NWD2: variants seen among roughly 807,000 people sequenced by gnomAD.
The protein encoded by NWD2 is NACHT and WD repeat domain-containing protein 2.
A neutral mutation model predicts 132.7 loss-of-function variants in NWD2; 37 were observed. That is an observed-to-expected ratio of 0.28 (90% CI 0.21 to 0.37). The LOEUF is 0.37. NWD2 is among the 10% of genes least tolerant of loss of function. The probability of loss-of-function intolerance (pLI) is 1.00; values close to 1 mark genes in which losing one functional copy is unlikely to be tolerated. For synonymous variants in NWD2, 705 were observed against 803.0 expected, an observed-to-expected ratio of 0.88 and a Z score of 2.06; for missense variants, 1,592 against 2,122.4, an observed-to-expected ratio of 0.75 and a Z score of 4.91.
intron 3 of NWD2, among the ~76,000 whole-genome samples, chr4:37,383,089 T>G (rs1452743426): frequency 2.0e-5 from 3 of 152,226 alleles, no homozygotes; most frequent in African/African-American, 7.2e-5. Context: ...AACACTTATC[T>G]TCCCTCAGAC....
intron 1 of NWD2, among the ~76,000 whole-genome samples, chr4:37,309,199 G>C (rs1219327415): frequency 6.6e-6 from 1 of 152,182 alleles, no homozygotes; most frequent in Non-Finnish European, 1.5e-5. Flanking sequence ...AGCGTTGCCA[G>C]TGACACTGGC....
intron 3 of NWD2, among the ~76,000 whole-genome samples, chr4:37,403,734 C>T (rs1720943138): frequency 6.6e-6 from 1 of 152,166 alleles, no homozygotes; most frequent in Non-Finnish European, 1.5e-5. Flanking sequence ...ATGGGGTTCA[C>T]ATTTGTGAAA....
rs373505936 is a variant in NWD2, at chr4:37,446,537, G to A, written c.4549G>A (p.Val1517Met). The change falls in exon 7 of 7, where the codon GTG becomes ATG. Residue 1517 changes from valine (V) to methionine (M), a missense_variant. Coordinates refer to ENST00000309447, the MANE Select transcript of NWD2 (RefSeq NM_001144990.2). The surrounding 1 kb of genome is among the most constrained non-coding windows in gnomAD (Gnocchi z 6.7). ...GACAGATGAAGTGATCTGTCGGCGC[G>A]TGCAACTTCCAAACAACTTCTTGAA... ...SLTDEVICRR[V>M]QLPNNFLKNL... 95 of 1,551,710 alleles carry A rather than the reference G, an allele frequency of 6.1e-5. No homozygotes were observed. The highest frequency in any genetic ancestry group is 4.4e-4 in the South Asian group (37 of 84,056).
At chr4:37,299,385 T>C (rs570025913) in intron 1 of NWD2, among the ~76,000 whole-genome samples, 12 of 152,202 alleles carry the variant, frequency 7.9e-5, no homozygotes, top group African/African-American at 2.6e-4. Context: ...TCCATGTCTT[T>C]TTCTGCATTG....
chr4:37,373,725 GAGA>G (rs904348833), intron 3 of NWD2, among the ~76,000 whole-genome samples: 4 of 152,220 alleles, frequency 2.6e-5, no homozygotes, highest in African/African-American at 7.2e-5. Flanking sequence ...GCAACAGATG[GAGA>G]AGAAGAGCTG....
intron 1 of NWD2, among the ~76,000 whole-genome samples, chr4:37,298,993 A>G (rs918226905): frequency 1.1e-4 from 16 of 152,142 alleles, no homozygotes; most frequent in Admixed American, 2.6e-4. Flanking sequence ...AACCAAGACA[A>G]TCTTCAGACT....
chr4:37,341,820 C>T (rs891097077), intron 2 of NWD2, among the ~76,000 whole-genome samples: 1 of 152,194 alleles, frequency 6.6e-6, no homozygotes, highest in African/African-American at 2.4e-5. Context: ...CTCTATGTAG[C>T]TTCTGACTAT....
intron 2 of NWD2, among the ~76,000 whole-genome samples, chr4:37,344,240 C>T (rs182630170): frequency 1.3e-5 from 2 of 152,070 alleles, no homozygotes; most frequent in Non-Finnish European, 2.9e-5. Flanking sequence ...ATTGATCATG[C>T]GGATATATGG....
intron 2 of NWD2, among the ~76,000 whole-genome samples, chr4:37,349,944 TC>T (rs1719726993): frequency 6.6e-6 from 1 of 152,210 alleles, no homozygotes; most frequent in Non-Finnish European, 1.5e-5. Flanking sequence ...AAATAGGGAA[TC>T]CTTTCCCCAT....
At chr4:37,355,357 A>G (rs1316996201) in intron 2 of NWD2, among the ~76,000 whole-genome samples, 1 of 152,184 alleles carries the variant, frequency 6.6e-6, no homozygotes, top group Non-Finnish European at 1.5e-5. Flanking sequence ...CAGCCTTCTA[A>G]AACACTCAAA....
At chr4:37,424,967 T>C (rs773129534) in intron 3 of NWD2, among the ~76,000 whole-genome samples, 1 of 151,576 alleles carries the variant, frequency 6.6e-6, no homozygotes, top group South Asian at 2.1e-4. Context: ...ATTTGCCCAA[T>C]GGAAAAGAAA....
chr4:37,316,509 A>G (rs1054629265), intron 1 of NWD2, among the ~76,000 whole-genome samples: 9 of 152,088 alleles, frequency 5.9e-5, no homozygotes, highest in African/African-American at 2.2e-4. Context: ...GGATGTGTAG[A>G]TTTATGTCTT....
chr4:37,377,073 TTCTCAAAGGCAGCTTTTA>T (rs1720362250), intron 3 of NWD2, among the ~76,000 whole-genome samples: 1 of 152,208 alleles, frequency 6.6e-6, no homozygotes, highest in African/African-American at 2.4e-5. Flanking sequence ...CAAATTTGGG[TTCTCAAAGGCAGCTTTTA>T]GAGATTAAAC....
chr4:37,313,379 T>G (rs566561811), intron 1 of NWD2, among the ~76,000 whole-genome samples: 5 of 151,150 alleles, frequency 3.3e-5, no homozygotes, highest in Admixed American at 6.6e-5. Context: ...GTTGAGGAAT[T>G]TATCCATTTC....
At position 37,443,299 on chromosome 4, in the gene NWD2, A is replaced by G. The variant is rs1303897939; in HGVS notation, c.1311A>G (p.Leu437=). Residue 437 remains leucine, a synonymous_variant, in exon 7 of 7, where the codon CTA becomes CTG. Transcript: ENST00000309447. This position sits in a 1 kb window ranked among gnomAD's most constrained non-coding sequence, Gnocchi z 4.1. ...AEVAKKAYGW[L]HEDTGPESDP... The stretch of plus-strand genomic sequence containing the variant: ...TTGTGTTTCAGGCTTATGGCTGGCT[A>G]CATGAGGACACAGGACCAGAATCTG... The G allele has an allele frequency of 2.6e-6, 4 of 1,549,258 alleles. No homozygotes were observed. The highest frequency in any genetic ancestry group is 2.4e-5 in the South Asian group (2 of 84,034).
intron 2 of NWD2, among the ~76,000 whole-genome samples, chr4:37,342,538 A>C (rs559880884): frequency 6.6e-6 from 1 of 152,328 alleles, no homozygotes; most frequent in African/African-American, 2.4e-5. Context: ...CCCCACTGGC[A>C]GCCTGGTTCA....
At chr4:37,349,413 T>C (rs1358561723) in intron 2 of NWD2, among the ~76,000 whole-genome samples, 1 of 152,196 alleles carries the variant, frequency 6.6e-6, no homozygotes, top group Non-Finnish European at 1.5e-5. Flanking sequence ...TGGTTCTGAT[T>C]TGCACTTCTC....
chr4:37,337,613 G>C (rs1030134603), intron 2 of NWD2, among the ~76,000 whole-genome samples: 1 of 152,190 alleles, frequency 6.6e-6, no homozygotes, highest in Non-Finnish European at 1.5e-5. Context: ...CTTCATTGCT[G>C]AGGTTCCATC....
rs57981065 is a variant in NWD2 at position 37,364,691 on chromosome 4, T to TACACACACACACACACACAC, written c.357+8224_357+8243dup. ...GTCAGAGCAGACTTCTACCTCCACT[T>TACACACACACACACACACAC]ACACACACACACACACACACACACA... On this transcript the variant is annotated intron_variant, in intron 3 of 6. Transcript: ENST00000309447. 3.1e-3 allele frequency among the ~76,000 whole-genome samples: 457 copies of TACACACACACACACACACAC among 146,670 alleles called. 1 individual carries two copies. Among genetic ancestry groups the TACACACACACACACACACAC allele is most frequent in the African/African-American group, 0.011 (430 of 39,490 alleles).
Sources: allele counts gnomAD v4.1 joint callset (sites outside exome capture counted in the v4.1 genomes callset), GRCh38; gene constraint gnomAD v4.1.1; non-coding constraint Gnocchi (gnomAD v3.1); transcripts MANE v1.5; gene names NCBI Gene and HGNC (gene_info 2026-07-23, HGNC 2026-07-21).